CRYL1: variants seen among roughly 807,000 people sequenced by gnomAD.
CRYL1 encodes lambda-crystallin homolog.
Under a neutral mutation model 36.6 loss-of-function variants are expected in CRYL1, and 29 were observed. That is an observed-to-expected ratio of 0.79 (90% confidence interval 0.59 to 1.08). The LOEUF (loss-of-function observed/expected upper bound fraction) is 1.08, where lower values mean the gene tolerates loss of function less well. Ranked by LOEUF, CRYL1 falls within the 50% of genes least tolerant of loss-of-function variation. The probability of loss-of-function intolerance (pLI) is 0.00; values close to 1 mark genes in which losing one functional copy is unlikely to be tolerated. For missense variants in CRYL1, 411 were observed against 407.9 expected, an observed-to-expected ratio of 1.01 and a Z score of -0.06; for synonymous variants, 152 against 151.5, an observed-to-expected ratio of 1.00 and a Z score of -0.02.
chr13:20,514,465 G>T (rs1381187096), intron 1 of CRYL1, among the ~76,000 whole-genome samples: 1 of 152,072 alleles, frequency 6.6e-6, no homozygotes, highest in Non-Finnish European at 1.5e-5. Context: ...AAACTGTTAG[G>T]GTCATCAAAA....
chr13:20,456,479 CAAAAAAAAAAA>C (rs71074301), intron 3 of CRYL1, among the ~76,000 whole-genome samples: 1 of 98,770 alleles, frequency 1.0e-5, no homozygotes, highest in Non-Finnish European at 2.0e-5. Context: ...CGTCTCAAAA[CAAAAAAAAAAA>C]AAAAAAGAAA....
chr13:20,495,058 C>A (rs1443272373), intron 2 of CRYL1, among the ~76,000 whole-genome samples: 1 of 152,234 alleles, frequency 6.6e-6, no homozygotes, highest in Non-Finnish European at 1.5e-5. Flanking sequence ...GCCAACAAAT[C>A]CACATGCCAC....
intron 5 of CRYL1, among the ~76,000 whole-genome samples, chr13:20,427,625 T>C (rs1011990703): frequency 7.7e-5 from 11 of 142,022 alleles, no homozygotes; most frequent in Non-Finnish European, 4.6e-5. Context: ...TTTCTTAGAA[T>C]GTCTCTTTAA....
intron 3 of CRYL1, among the ~76,000 whole-genome samples, chr13:20,480,141 C>T (rs2033246741): frequency 6.6e-6 from 1 of 152,150 alleles, no homozygotes; most frequent in African/African-American, 2.4e-5. Flanking sequence ...AATCCCAGCA[C>T]TTTGGGAGGC....
rs372197484 is a variant in CRYL1 at position 20,474,284 on chromosome 13, C to T, written c.276+15086G>A. On this transcript the variant is annotated intron_variant, in intron 3 of 7. Transcript: ENST00000298248. ...CACTAGGTATCTCGGAGGAAACCTC[C>T]GGTCCGGGACCAGCGCCGGCAGCAG... 7.2e-5 allele frequency among the ~76,000 whole-genome samples: 11 copies of T among 152,186 alleles called. No homozygotes were observed. In the East Asian group the frequency reaches 1.5e-3, roughly 21 times the overall value.
At chr13:20,474,928 C>A (rs1159981148) in intron 3 of CRYL1, among the ~76,000 whole-genome samples, 2 of 152,138 alleles carry the variant, frequency 1.3e-5, no homozygotes, top group African/African-American at 4.8e-5. Flanking sequence ...GGACAAGGCT[C>A]CCCTGCCTCA....
intron 3 of CRYL1, among the ~76,000 whole-genome samples, chr13:20,454,723 CATG>C: frequency 6.6e-6 from 1 of 152,244 alleles, no homozygotes; most frequent in South Asian, 2.1e-4. Flanking sequence ...CCGACCCATT[CATG>C]ATATTTTTTA....
chr13:20,430,331 A>G, intron 5 of CRYL1: 1 of 985,398 alleles, frequency 1.0e-6, no homozygotes, highest in Non-Finnish European at 1.2e-6. Context: ...AGTTCCTTAC[A>G]GGGACTCCAG....
rs376325038 is a variant in CRYL1, at chr13:20,465,715, G to A, written c.276+23655C>T. Among the ~76,000 whole-genome samples the A allele has an allele frequency of 7.9e-5, 12 of 152,124 alleles. No individual in the cohort carries two copies. The East Asian group carries it at 1.2e-3, about 15-fold the overall frequency. ...TTCCTCTTGGCAAAGACCTGGCCCT[G>A]AGCCATAGAGAGTTTACCAGAATGC... On this transcript the variant is annotated intron_variant, in intron 3 of 7. Transcript: ENST00000298248.
At chr13:20,411,397 GT>G (rs2137364768) in intron 6 of CRYL1, among the ~76,000 whole-genome samples, 1 of 152,024 alleles carries the variant, frequency 6.6e-6, no homozygotes, top group South Asian at 2.1e-4. Context: ...ATTGGCTTCT[GT>G]TTCTATTTGT....
At chr13:20,477,324 A>G (rs2033186606) in intron 3 of CRYL1, among the ~76,000 whole-genome samples, 1 of 151,932 alleles carries the variant, frequency 6.6e-6, no homozygotes, top group African/African-American at 2.4e-5. Context: ...CAAGACCTTG[A>G]CTCTAAAAAT....
chr13:20,443,726 A>G (rs1463888562), intron 3 of CRYL1, among the ~76,000 whole-genome samples: 1 of 152,220 alleles, frequency 6.6e-6, no homozygotes, highest in East Asian at 1.9e-4. Context: ...TCCTGTTGCT[A>G]GAAAATCTGT....
At chr13:20,484,773 C>T (rs1056013660) in intron 3 of CRYL1, among the ~76,000 whole-genome samples, 2 of 152,106 alleles carry the variant, frequency 1.3e-5, no homozygotes, top group African/African-American at 4.8e-5. Context: ...GAAGTGGAAA[C>T]ATATAAATAC....
intron 2 of CRYL1, among the ~76,000 whole-genome samples, chr13:20,507,456 T>C (rs1445962713): frequency 6.6e-6 from 1 of 152,332 alleles, no homozygotes; most frequent in East Asian, 1.9e-4. Context: ...CAACTCCTTG[T>C]CTGGAGTCCA....
intron 1 of CRYL1, among the ~76,000 whole-genome samples, chr13:20,524,137 G>C (rs533334113): frequency 6.6e-6 from 1 of 152,318 alleles, no homozygotes; most frequent in African/African-American, 2.4e-5. Context: ...CCTGCTGTGG[G>C]AGGATGGCTT....
At chr13:20,469,649 G>A (rs1381728610) in intron 3 of CRYL1, among the ~76,000 whole-genome samples, 1 of 152,170 alleles carries the variant, frequency 6.6e-6, no homozygotes, top group East Asian at 1.9e-4. Flanking sequence ...TTTATTCTCA[G>A]GCTGGAAGCA....
intron 2 of CRYL1, among the ~76,000 whole-genome samples, chr13:20,509,898 C>T (rs1346688487): frequency 2.0e-5 from 3 of 152,102 alleles, no homozygotes; most frequent in African/African-American, 7.2e-5. Flanking sequence ...CCATTGCACT[C>T]CAGCCTGAGC....
intron 1 of CRYL1, among the ~76,000 whole-genome samples, chr13:20,515,302 T>G (rs2033981442): frequency 6.6e-6 from 1 of 152,190 alleles, no homozygotes; most frequent in Non-Finnish European, 1.5e-5. Flanking sequence ...ACCACTGAAT[T>G]GTACACTTTA....
At chr13:20,484,992 G>C (rs899053462) in intron 3 of CRYL1, among the ~76,000 whole-genome samples, 2 of 152,126 alleles carry the variant, frequency 1.3e-5, no homozygotes, top group African/African-American at 4.8e-5. Flanking sequence ...GTAAACCTGA[G>C]ACACTAATAT....
Sources: allele counts gnomAD v4.1 joint callset (sites outside exome capture counted in the v4.1 genomes callset), GRCh38; gene constraint gnomAD v4.1.1; transcripts MANE v1.5; gene names NCBI Gene and HGNC (gene_info 2026-07-23, HGNC 2026-07-21).